GABRB1: variants seen among roughly 807,000 people sequenced by gnomAD.
GABRB1 encodes gamma-aminobutyric acid type A receptor subunit beta1.
GABRB1 carries 17 observed loss-of-function variants against 51.6 expected under a neutral mutation model. The ratio of observed to expected loss-of-function variants is 0.33; its 90% CI spans 0.23 to 0.49. The LOEUF is 0.49. Ranked by LOEUF, GABRB1 falls within the 20% of genes least tolerant of loss-of-function variation. The probability of loss-of-function intolerance (pLI) is 0.99; values close to 1 mark genes in which losing one functional copy is unlikely to be tolerated. For missense variants in GABRB1, 410 were observed against 600.6 expected (o/e 0.68, Z 3.32); for synonymous variants, 247 against 218.9 (o/e 1.13, Z -1.14).
intron 4 of GABRB1, among the ~76,000 whole-genome samples, chr4:47,290,375 T>C (rs1238330762): frequency 6.6e-6 from 1 of 152,212 alleles, no homozygotes; most frequent in East Asian, 1.9e-4. Flanking sequence ...TGAGGCCTCC[T>C]CCACCACATG....
chr4:47,251,672 G>A lies in GABRB1; in HGVS notation c.462-68455G>A, dbSNP rs182650093. Among the ~76,000 whole-genome samples the A allele has an allele frequency of 2.7e-3, 414 of 152,266 alleles. 2 individuals are homozygous for A. The highest frequency in any genetic ancestry group is 4.6e-3 in the South Asian group (22 of 4,824). Reference sequence around the variant, plus strand: ...AATTTAGAGAGCCAAGAGAAATACAGGGGTACAGGAAGCAACAGAAAGGCC... The same window carrying A: ...AATTTAGAGAGCCAAGAGAAATACAAGGGTACAGGAAGCAACAGAAAGGCC... On this transcript the variant is annotated intron_variant, in intron 4 of 8. Transcript: ENST00000295454.
At chr4:47,310,028 A>C (rs1486438343) in intron 4 of GABRB1, among the ~76,000 whole-genome samples, 2 of 152,140 alleles carry the variant, frequency 1.3e-5, no homozygotes, top group Non-Finnish European at 2.9e-5. Flanking sequence ...CACCTGCATC[A>C]TACCTGCATT....
intron 5 of GABRB1, among the ~76,000 whole-genome samples, chr4:47,329,910 T>C (rs1018414431): frequency 6.6e-6 from 1 of 151,926 alleles, no homozygotes; most frequent in African/African-American, 2.4e-5. Flanking sequence ...GCTCACGCAA[T>C]TATGGAGGCT....
chr4:47,379,676 A>G (rs1560360107), intron 5 of GABRB1, among the ~76,000 whole-genome samples: 2 of 152,316 alleles, frequency 1.3e-5, no homozygotes, highest in South Asian at 4.1e-4. Flanking sequence ...TTGTTCTTTT[A>G]CATCCAGGAA....
At chr4:47,223,809 G>A (rs984147411) in intron 4 of GABRB1, among the ~76,000 whole-genome samples, 1 of 151,962 alleles carries the variant, frequency 6.6e-6, no homozygotes, top group Admixed American at 6.6e-5. Context: ...AAATGAAGAA[G>A]ATAAAAATTC....
intron 5 of GABRB1, among the ~76,000 whole-genome samples, chr4:47,388,794 A>C (rs980796101): frequency 2.0e-5 from 3 of 152,174 alleles, no homozygotes; most frequent in African/African-American, 4.8e-5. Context: ...TACCCTGGGA[A>C]GGACCAGAGC....
intron 4 of GABRB1, among the ~76,000 whole-genome samples, chr4:47,255,022 T>G (rs1459486259): frequency 6.6e-6 from 1 of 152,198 alleles, no homozygotes; most frequent in Non-Finnish European, 1.5e-5. Flanking sequence ...TTTCTCTCTT[T>G]CCTTTGATTG....
chr4:47,167,381 C>T (rs1431694347), intron 4 of GABRB1, among the ~76,000 whole-genome samples: 1 of 151,856 alleles, frequency 6.6e-6, no homozygotes. Context: ...TCTGAGAAGA[C>T]ATTTAGTGGA....
chr4:47,236,334 A>T (rs73247682), intron 4 of GABRB1, among the ~76,000 whole-genome samples: 11,870 of 152,182 alleles, frequency 0.078, 600 homozygotes, highest in Non-Finnish European at 0.11. Context: ...TTGTAAAAAA[A>T]AAAGTCATTT....
intron 3 of GABRB1, among the ~76,000 whole-genome samples, chr4:47,131,551 G>A (rs192494451): frequency 3.7e-4 from 56 of 152,202 alleles, no homozygotes; most frequent in African/African-American, 1.2e-3. Context: ...TAAAATAATG[G>A]CCAAAACTGC....
At chr4:47,120,832 T>A (rs879274056) in intron 3 of GABRB1, among the ~76,000 whole-genome samples, 1 of 152,112 alleles carries the variant, frequency 6.6e-6, no homozygotes. Context: ...CTACTGTGGC[T>A]GAGTTGATAT....
chr4:47,174,945 C>CTCCT lies in GABRB1; in HGVS notation c.461+13487_461+13490dup, dbSNP rs1477736000. On this transcript the variant is annotated intron_variant, in intron 4 of 8. Coordinates refer to ENST00000295454, the MANE Select transcript of GABRB1 (RefSeq NM_000812.4). ...CCTTCCTTCTTTCCTTCCTTCCCTC[C>CTCCT]TCCTTCCTTCCTTCTTTTCTTCCTT... 4.5e-5 allele frequency among the ~76,000 whole-genome samples: 6 copies of CTCCT among 134,734 alleles called. No individual in the cohort carries two copies. The East Asian group carries it at 6.7e-4, about 15-fold the overall frequency. 88.4% of individuals were successfully genotyped at this position (134,734 alleles called of 152,430 possible). A position where few individuals can be genotyped will look rare whatever the true frequency, so the allele number is the denominator to read the frequency against.
In GABRB1 at chr4:47,106,160, T is replaced by C. The variant is rs1714961700; in HGVS notation, c.241-55089T>C. Among the ~76,000 whole-genome samples, 4 of 152,242 alleles carry C rather than the reference T, an allele frequency of 2.6e-5. No individual in the cohort carries two copies. The South Asian group carries it at 6.2e-4, about 24-fold the overall frequency. On this transcript the variant is annotated intron_variant, in intron 3 of 8. Transcript: ENST00000295454. Reference sequence around the variant, plus strand: ...TATCTTTTTACGTAAAAATAGGTTTTTATTTGATCCATACAGCAACATTTT... The same window carrying C: ...TATCTTTTTACGTAAAAATAGGTTTCTATTTGATCCATACAGCAACATTTT...
At chr4:47,323,700 T>C (rs1224788959) in intron 5 of GABRB1, among the ~76,000 whole-genome samples, 3 of 152,198 alleles carry the variant, frequency 2.0e-5, no homozygotes, top group Non-Finnish European at 4.4e-5. Context: ...AATCCACTAG[T>C]TCGTATGCTC....
At chr4:47,420,664 T>A (rs113450239) in intron 8 of GABRB1, among the ~76,000 whole-genome samples, 5,717 of 152,220 alleles carry the variant, frequency 0.038, 132 homozygotes, top group Middle Eastern at 0.13. Flanking sequence ...CCTCTGATGA[T>A]ATGAAAAAAT....
intron 4 of GABRB1, among the ~76,000 whole-genome samples, chr4:47,234,919 G>A (rs1374770416): frequency 6.6e-6 from 1 of 152,138 alleles, no homozygotes; most frequent in African/African-American, 2.4e-5. Flanking sequence ...AAAATAAGAT[G>A]GAGACAAGAC....
intron 1 of GABRB1, among the ~76,000 whole-genome samples, chr4:47,020,530 C>T (rs952163981): frequency 2.6e-5 from 4 of 152,134 alleles, no homozygotes; most frequent in Non-Finnish European, 5.9e-5. Context: ...TTATCAACAT[C>T]CTCACCATCT....
intron 3 of GABRB1, among the ~76,000 whole-genome samples, chr4:47,076,125 C>T: frequency 6.6e-6 from 1 of 152,134 alleles, no homozygotes; most frequent in East Asian, 1.9e-4. Flanking sequence ...TTCCAGTTTC[C>T]CAGGTGAGAC....
chr4:47,115,220 C>T (rs912955096), intron 3 of GABRB1, among the ~76,000 whole-genome samples: 1 of 152,092 alleles, frequency 6.6e-6, no homozygotes, highest in Non-Finnish European at 1.5e-5. Flanking sequence ...AAATGGAATC[C>T]TTCTTATCCC....
Sources: allele counts gnomAD v4.1 joint callset (sites outside exome capture counted in the v4.1 genomes callset), GRCh38; gene constraint gnomAD v4.1.1; transcripts MANE v1.5; gene names NCBI Gene and HGNC (gene_info 2026-07-23, HGNC 2026-07-21).